KLF7: variants seen among roughly 807,000 people sequenced by gnomAD.
KLF7 encodes Krueppel-like factor 7.
Under a neutral mutation model 27.3 loss-of-function variants are expected in KLF7, and 2 were observed. The ratio of observed to expected loss-of-function variants is 0.07; its 90% CI spans 0.03 to 0.23. The LOEUF is 0.23. Among genes scored for constraint, KLF7 ranks in the 10% least tolerant of loss-of-function variants. The pLI, the probability that KLF7 is intolerant of heterozygous loss-of-function variation, is 1.00. For missense variants in KLF7, 221 were observed against 394.1 expected (o/e 0.56, Z 3.72); for synonymous variants, 165 against 162.4 (o/e 1.02, Z -0.12).
intron 1 of KLF7, among the ~76,000 whole-genome samples, chr2:207,161,565 G>A (rs1189816231): frequency 4.6e-5 from 7 of 152,162 alleles, no homozygotes; most frequent in Admixed American, 4.6e-4. Context: ...GCCTGCAGAA[G>A]GAAGTGCAAA....
intron 2 of KLF7, among the ~76,000 whole-genome samples, chr2:207,095,655 A>G (rs2076612814): frequency 6.6e-6 from 1 of 152,248 alleles, no homozygotes; most frequent in Admixed American, 6.5e-5. Flanking sequence ...ATTAAAATTC[A>G]GATTAAAAAA....
chr2:207,120,722 T>G (rs562010076), intron 2 of KLF7, among the ~76,000 whole-genome samples: 1 of 152,338 alleles, frequency 6.6e-6, no homozygotes, highest in Non-Finnish European at 1.5e-5. Context: ...AGTCCTTGTA[T>G]CAGCAGCCTC....
At position 207,079,759 on chromosome 2, in the gene KLF7, A is replaced by C. The variant is rs1235803839; in HGVS notation, c.*1454T>G. The stretch of plus-strand genomic sequence containing the variant: ...TCATGGTGGGCCTAGCCAAAAAAAA[A>C]AGGAAAGAAAGAAACGTGTCTCTCC... On this transcript the variant is annotated 3_prime_UTR_variant, in exon 4 of 4. Coordinates refer to ENST00000309446, the MANE Select transcript of KLF7 (RefSeq NM_003709.4). 1.3e-5 allele frequency: 2 copies of C among 152,308 alleles called. No individual in the cohort carries two copies. The highest frequency in any genetic ancestry group is 3.9e-4 in the East Asian group (2 of 5,188). 9.4% of individuals were successfully genotyped at this position (152,308 alleles called of 1,614,324 possible). A position where few individuals can be genotyped will look rare whatever the true frequency, so the allele number is the denominator to read the frequency against.
intron 1 of KLF7, 124 bp downstream of exon 1, chr2:207,165,343 G>A (rs1487248153): frequency 1.5e-6 from 2 of 1,362,236 alleles, no homozygotes; most frequent in Non-Finnish European, 2.0e-6. Context: ...ACAACAGACA[G>A]CCAAAAAGGA....
In KLF7 at chr2:207,082,497, T is replaced by TA. The variant is rs1370668947; in HGVS notation, c.858-1234dup. ...CTTCTTAGTTACCTGAGCGCATAAA[T>TA]ACCCTTGGAGGCTAACTGCAGTCTA... On this transcript the variant is annotated intron_variant, in intron 3 of 3. Transcript: ENST00000309446. 2.0e-5 allele frequency among the ~76,000 whole-genome samples: 3 copies of TA among 152,188 alleles called. No individual in the cohort carries two copies. The East Asian group carries it at 5.8e-4, about 29-fold the overall frequency.
chr2:207,091,981 G>A (rs1452897570), intron 2 of KLF7, among the ~76,000 whole-genome samples: 1 of 151,154 alleles, frequency 6.6e-6, no homozygotes, highest in African/African-American at 2.4e-5. Context: ...AAAAAAGAAA[G>A]GCTTTCTTTA....
chr2:207,131,572 C>T (rs970988505), intron 1 of KLF7, among the ~76,000 whole-genome samples: 2 of 152,146 alleles, frequency 1.3e-5, no homozygotes, highest in African/African-American at 2.4e-5. Flanking sequence ...ACTTACTAGA[C>T]GTGTTTACAT....
rs183746035 is a variant in KLF7, at chr2:207,160,630, T to C, written c.102+4837A>G. Among the ~76,000 whole-genome samples, 4 of 152,320 alleles carry C rather than the reference T, an allele frequency of 2.6e-5. No homozygotes were observed. In the East Asian group the frequency reaches 5.8e-4, roughly 22 times the overall value. ...AGGCACAGAGAGCAATTAAAGAAGA[T>C]TGCAATGTCTTCTTGTACTCCAAAA... is the stretch of plus-strand genomic sequence containing the variant. On this transcript the variant is annotated intron_variant, in intron 1 of 3. Coordinates refer to ENST00000309446, the MANE Select transcript of KLF7 (RefSeq NM_003709.4).
At chr2:207,152,896 T>C (rs534438323) in intron 1 of KLF7, among the ~76,000 whole-genome samples, 6 of 152,142 alleles carry the variant, frequency 3.9e-5, no homozygotes, top group African/African-American at 7.2e-5. Context: ...GTGGAAATAG[T>C]GGGGACAGGG....
chr2:207,129,253 C>T (rs1209443603), intron 1 of KLF7, among the ~76,000 whole-genome samples: 2 of 152,182 alleles, frequency 1.3e-5, no homozygotes, highest in African/African-American at 2.4e-5. Flanking sequence ...AACTCCAAAT[C>T]GGAGTCAGCG....
At position 207,165,897 on chromosome 2, in the gene KLF7, G is replaced by C; in HGVS notation, c.-329C>G. ...TCACTCCAGCTCGTGGATCAGGAAGGGGGATGCAAACTCACTGACACGAAG... is the reference window on the plus strand; with the variant it reads ...TCACTCCAGCTCGTGGATCAGGAAGCGGGATGCAAACTCACTGACACGAAG... On this transcript the variant is annotated 5_prime_UTR_variant, in exon 1 of 4. Coordinates refer to ENST00000309446, the MANE Select transcript of KLF7 (RefSeq NM_003709.4). 4.4e-6 allele frequency: 5 copies of C among 1,145,540 alleles called. No homozygotes were observed. The highest frequency in any genetic ancestry group is 5.4e-6 in the Non-Finnish European group (5 of 927,824). The allele number at this position is 1,145,540 out of a possible 1,614,324, so 71.0% of individuals were successfully genotyped here.
intron 2 of KLF7, among the ~76,000 whole-genome samples, chr2:207,091,503 T>C (rs1358085182): frequency 6.6e-6 from 1 of 152,182 alleles, no homozygotes; most frequent in East Asian, 1.9e-4. Context: ...CATGTTACTA[T>C]TATAGTGATT....
Position 207,105,805 on chromosome 2 carries a change from A to T in KLF7, c.734-17224T>A, listed in dbSNP as rs140868998. On this transcript the variant is annotated intron_variant, in intron 2 of 3. Coordinates refer to ENST00000309446, the MANE Select transcript of KLF7 (RefSeq NM_003709.4). ...GAGAACAGGCAGTGGCCAGACTGTGAAAGGACTTAAACAGACCTGCACGAT... is the reference window on the plus strand; with the variant it reads ...GAGAACAGGCAGTGGCCAGACTGTGTAAGGACTTAAACAGACCTGCACGAT... 3.1e-4 allele frequency among the ~76,000 whole-genome samples: 47 copies of T among 152,278 alleles called. 1 individual carries two copies. Among genetic ancestry groups the T allele is most frequent in the African/African-American group, 9.1e-4 (38 of 41,560 alleles).
chr2:207,152,982 A>C lies in KLF7; in HGVS notation c.102+12485T>G, dbSNP rs1056699524. ...TGAAATATGCATGCCGGCCAAATAA[A>C]ACACATCTTCAAGCCAGTTCAGTCT... On this transcript the variant is annotated intron_variant, in intron 1 of 3. Transcript: ENST00000309446. 5.3e-5 allele frequency among the ~76,000 whole-genome samples: 8 copies of C among 152,308 alleles called. No homozygotes were observed. In the East Asian group the frequency reaches 7.7e-4, roughly 15 times the overall value.
At position 207,165,782 on chromosome 2, in the gene KLF7, G is replaced by C; in HGVS notation, c.-214C>G. 7.0e-7 allele frequency: 1 copy of C among 1,429,434 alleles called. No homozygotes were observed. Among genetic ancestry groups the C allele is most frequent in the Non-Finnish European group, 9.1e-7 (1 of 1,097,420 alleles). 88.5% of individuals were successfully genotyped at this position (1,429,434 alleles called of 1,614,324 possible). On this transcript the variant is annotated 5_prime_UTR_variant, in exon 1 of 4. Coordinates refer to ENST00000309446, the MANE Select transcript of KLF7 (RefSeq NM_003709.4). ...AGAGGAGCGAGTGAGTGGGGTGGATGGAGAGAGGCATCCAGCGTGTACAGT... is the reference window on the plus strand; with the variant it reads ...AGAGGAGCGAGTGAGTGGGGTGGATCGAGAGAGGCATCCAGCGTGTACAGT...
rs375987131 is a variant in KLF7 at position 207,140,123 on chromosome 2, G to A, written c.103-15719C>T. Among the ~76,000 whole-genome samples, 10 of 152,196 alleles carry A rather than the reference G, an allele frequency of 6.6e-5. No homozygotes were observed. The East Asian group carries it at 1.7e-3, about 26-fold the overall frequency. On this transcript the variant is annotated intron_variant, in intron 1 of 3. Coordinates refer to ENST00000309446, the MANE Select transcript of KLF7 (RefSeq NM_003709.4). Reference sequence around the variant, plus strand: ...AAGATGGTCTCAATCTCTTGACCTCGTGGTCCGCCCACCTCGGCCTCCCAA... The same window carrying A: ...AAGATGGTCTCAATCTCTTGACCTCATGGTCCGCCCACCTCGGCCTCCCAA...
chr2:207,136,403 C>T (rs1010094280), intron 1 of KLF7, among the ~76,000 whole-genome samples: 27 of 152,130 alleles, frequency 1.8e-4, no homozygotes, highest in Admixed American at 1.4e-3. Context: ...CTAGTAACTC[C>T]GTCCGCATCC....
chr2:207,139,970 C>A (rs1327492662), intron 1 of KLF7, among the ~76,000 whole-genome samples: 1 of 152,120 alleles, frequency 6.6e-6, no homozygotes, highest in African/African-American at 2.4e-5. Context: ...TTCACTGCAA[C>A]CTCTGCCTCC....
upstream of KLF7, among the ~76,000 whole-genome samples, chr2:207,168,037 C>T (rs1429540820): frequency 6.6e-6 from 1 of 152,046 alleles, no homozygotes; most frequent in Non-Finnish European, 1.5e-5. Context: ...TCTCCCCTGA[C>T]CCCCATGCTA....
Sources: gnomAD v4.1 joint callset for allele counts (sites outside exome capture counted in the v4.1 genomes callset) on GRCh38, gnomAD v4.1.1 for gene constraint, MANE v1.5 for transcripts, NCBI Gene and HGNC (gene_info 2026-07-23, HGNC 2026-07-21) for gene names.